MINK1: variants seen among roughly 807,000 people sequenced by gnomAD.
MINK1 encodes the protein misshapen like kinase 1.
In MINK1, 46 loss-of-function variants were observed where a neutral mutation model predicts 178.4. The ratio of observed to expected loss-of-function variants is 0.26; its 90% CI spans 0.20 to 0.33. The LOEUF (loss-of-function observed/expected upper bound fraction) is 0.33. Among genes scored for constraint, MINK1 ranks in the 10% least tolerant of loss-of-function variants. The pLI, the probability that MINK1 is intolerant of heterozygous loss-of-function variation, is 1.00. For synonymous variants in MINK1, 797 were observed against 709.7 expected, an observed-to-expected ratio of 1.12 and a Z score of -1.96; for missense variants, 1,366 against 1,814.9, an observed-to-expected ratio of 0.75 and a Z score of 4.49.
At position 4,890,745 on chromosome 17, in the gene MINK1, G is replaced by T; in HGVS notation, c.1566+10G>T. The T allele has an allele frequency of 6.5e-7, 1 of 1,541,160 alleles. No individual in the cohort carries two copies. Reference sequence around the variant, plus strand: ...AGCCTGGGCCCGAGAGGTACTCACTGCCTCCTTTGCCTCCTGAGACTGCAG... The same window carrying T: ...AGCCTGGGCCCGAGAGGTACTCACTTCCTCCTTTGCCTCCTGAGACTGCAG... On this transcript the variant is annotated intron_variant, in intron 14 of 31. Transcript: ENST00000355280.
chr17:4,896,396 C>A lies in MINK1; in HGVS notation c.3616-33C>A. ...GGGATGGCCCAGTCTGGGCACCAGA[C>A]ACGGAGACTCTAGTCCCCCTCCTTC... On this transcript the variant is annotated intron_variant, in intron 29 of 31. Transcript: ENST00000355280. This position sits in a 1 kb window ranked among gnomAD's most constrained non-coding sequence, Gnocchi z 4.6. 6.2e-7 allele frequency: 1 copy of A among 1,610,428 alleles called. No homozygotes were observed.
chr17:4,834,658 G>A, intron 1 of MINK1: 2 of 457,370 alleles, frequency 4.4e-6, no homozygotes, highest in South Asian at 3.1e-5. Context: ...GGCTTAAGGG[G>A]CAACTTAGTG....
chr17:4,852,635 T>G (rs1279119083), intron 1 of MINK1, among the ~76,000 whole-genome samples: 1 of 148,226 alleles, frequency 6.7e-6, no homozygotes, highest in Non-Finnish European at 1.5e-5. Flanking sequence ...GGCACCAGCA[T>G]GAGAATTGGC....
rs759141043 is a variant in MINK1 at position 4,896,783 on chromosome 17, G to A, written c.3885G>A (p.Arg1295=). 20 of 1,582,652 alleles carry A rather than the reference G, an allele frequency of 1.3e-5. No homozygotes were observed. Among genetic ancestry groups the A allele is most frequent in the Middle Eastern group, 1.7e-4 (1 of 5,888 alleles). Residue 1295 remains arginine (R), a synonymous_variant, in exon 31 of 32, where the codon AGG becomes AGA. Transcript: ENST00000355280. The surrounding 1 kb of genome is among the most constrained non-coding windows in gnomAD (Gnocchi z 4.6). ...DGVFMHKRAQ[R]LKFLCERNDK... ...TCTTCATGCACAAACGAGCTCAGAG[G>A]CTCAAGTTCCTGTGTGAGCGGAATG...
intron 4 of MINK1, chr17:4,883,135 A>C (rs1337724157): frequency 6.6e-6 from 1 of 151,448 alleles, no homozygotes; most frequent in Non-Finnish European, 1.5e-5. Flanking sequence ...AAAAAAAAAA[A>C]GTGAAAACCA....
At chr17:4,844,976 C>A (rs951686750) in intron 1 of MINK1, among the ~76,000 whole-genome samples, 1 of 152,156 alleles carries the variant, frequency 6.6e-6, no homozygotes. Context: ...CTTCATCCTC[C>A]CCAAATGAAG....
At chr17:4,865,829 A>G (rs1474745513) in intron 1 of MINK1, among the ~76,000 whole-genome samples, 2 of 151,860 alleles carry the variant, frequency 1.3e-5, no homozygotes, top group African/African-American at 4.8e-5. Context: ...CAGGAGTTCG[A>G]GGCTACAGTG....
rs949073937 is a variant in MINK1 at position 4,891,573 on chromosome 17, G to A, written c.1858G>A (p.Asp620Asn). Residue 620 changes from aspartate (D) to asparagine (N), a missense_variant, in exon 16 of 32, where the codon GAC becomes AAC. Around this residue, in one of 14 missense-constraint regions of MINK1, gnomAD observed 709 missense variants for 692.3 expected, o/e 1.02. Coordinates refer to ENST00000355280, the MANE Select transcript of MINK1 (RefSeq NM_153827.5). The stretch of plus-strand genomic sequence containing the variant: ...TGCCTTCCCAGCCTCCCATGACCCC[G>A]ACCCTGCCATCCCCGCACCCACTGC... ...LAAFPASHDPDPAIPAPTATP... is the reference protein window; with the variant it reads ...LAAFPASHDPNPAIPAPTATP... The A allele has an allele frequency of 5.0e-6, 8 of 1,606,326 alleles. No homozygotes were observed. The highest frequency in any genetic ancestry group is 4.0e-5 in the African/African-American group (3 of 74,678).
chr17:4,854,039 T>C (rs926891661), intron 1 of MINK1, among the ~76,000 whole-genome samples: 1 of 151,990 alleles, frequency 6.6e-6, no homozygotes, highest in African/African-American at 2.4e-5. Context: ...AAGCAAACGG[T>C]TTATTTTTTA....
At chr17:4,876,896 T>C (rs1967229057) in intron 1 of MINK1, among the ~76,000 whole-genome samples, 1 of 152,020 alleles carries the variant, frequency 6.6e-6, no homozygotes, top group Admixed American at 6.6e-5. Flanking sequence ...GAGAACAGTC[T>C]GGACAACATA....
At chr17:4,860,055 G>A (rs1913912310) in intron 1 of MINK1, among the ~76,000 whole-genome samples, 1 of 151,924 alleles carries the variant, frequency 6.6e-6, no homozygotes, top group African/African-American at 2.4e-5. Flanking sequence ...GCGGGGTACA[G>A]GGGGAAGGGT....
Position 4,894,847 on chromosome 17 carries a change from C to A in MINK1, c.2917+214C>A. 1 of 647,324 alleles carries A rather than the reference C, an allele frequency of 1.5e-6. No individual in the cohort carries two copies. The highest frequency in any genetic ancestry group is 2.6e-6 in the Non-Finnish European group (1 of 378,840). 40.1% of individuals were successfully genotyped at this position (647,324 alleles called of 1,614,324 possible). A position where few individuals can be genotyped will look rare whatever the true frequency, so the allele number is the denominator to read the frequency against. On this transcript the variant is annotated intron_variant, in intron 24 of 31. Coordinates refer to ENST00000355280, the MANE Select transcript of MINK1 (RefSeq NM_153827.5). This position sits in a 1 kb window ranked among gnomAD's most constrained non-coding sequence, Gnocchi z 4.1. ...GAAATGCTCAGAGTTGCCAGGGGAC[C>A]TGGGCAAAGACTCAAAGCTAACAAG... is the stretch of plus-strand genomic sequence containing the variant.
intron 1 of MINK1, chr17:4,871,178 T>C (rs1342662525): frequency 4.8e-6 from 1 of 209,310 alleles, no homozygotes; most frequent in Non-Finnish European, 1.0e-5. Flanking sequence ...TTTGTTTGTT[T>C]TAATTTTTTT....
At chr17:4,844,479 C>T (rs760233695) in intron 1 of MINK1, 18 of 459,894 alleles carry the variant, frequency 3.9e-5, no homozygotes, top group Middle Eastern at 3.2e-4. Context: ...TTACTGCCCT[C>T]CAGGAGCACT....
rs949435711 is a variant in MINK1, at chr17:4,833,450, C to CT, written c.-133dup. 2.9e-6 allele frequency: 2 copies of CT among 678,634 alleles called. No homozygotes were observed. Among genetic ancestry groups the CT allele is most frequent in the Non-Finnish European group, 4.7e-6 (2 of 421,662 alleles). The allele number at this position is 678,634 out of a possible 1,614,324, so 42.0% of individuals were successfully genotyped here. ...GTCGGTCCTCGCGCCGGCCCTCCCCCTCCCCGGTCTCCGGGGGAGGCGCGG... is the reference window on the plus strand; with the variant it reads ...GTCGGTCCTCGCGCCGGCCCTCCCCCTTCCCCGGTCTCCGGGGGAGGCGCGG... On this transcript the variant is annotated 5_prime_UTR_variant, in exon 1 of 32. Coordinates refer to ENST00000355280, the MANE Select transcript of MINK1 (RefSeq NM_153827.5). The surrounding 1 kb of genome is among the most constrained non-coding windows in gnomAD (Gnocchi z 4.8).
intron 1 of MINK1, among the ~76,000 whole-genome samples, chr17:4,856,332 T>C (rs1010360239): frequency 2.0e-5 from 3 of 152,130 alleles, no homozygotes; most frequent in Admixed American, 2.0e-4. Context: ...CCAGTATCTC[T>C]GCTTGGGTAG....
chr17:4,843,646 G>A (rs556505795), intron 1 of MINK1, among the ~76,000 whole-genome samples: 3 of 152,170 alleles, frequency 2.0e-5, no homozygotes, highest in East Asian at 3.9e-4. Context: ...AATAAGAACC[G>A]TAATGAACAC....
intron 1 of MINK1, chr17:4,850,934 C>G: frequency 2.2e-6 from 1 of 446,482 alleles, no homozygotes; most frequent in East Asian, 7.3e-5. Context: ...CACTGCCATG[C>G]TGTGCCCTTC....
intron 1 of MINK1, among the ~76,000 whole-genome samples, chr17:4,858,232 CTG>C (rs1913511692): frequency 1.3e-5 from 2 of 152,214 alleles, no homozygotes; most frequent in South Asian, 4.1e-4. Flanking sequence ...CTCTTCCTCT[CTG>C]TGTGGGCCTT....
Sources: gnomAD v4.1 joint callset for allele counts (sites outside exome capture counted in the v4.1 genomes callset) on GRCh38, gnomAD v4.1.1 for gene constraint, gnomAD v4.1.1 regional missense constraint, Gnocchi (gnomAD v3.1) non-coding constraint, MANE v1.5 for transcripts, NCBI Gene and HGNC (gene_info 2026-07-23, HGNC 2026-07-21) for gene names.